Variants in SCAPER observed in about 807,000 individuals in gnomAD.
SCAPER encodes the protein S-phase cyclin A associated protein in the ER.
SCAPER carries 98 observed loss-of-function variants against 182.2 expected under a neutral mutation model. That is an observed-to-expected ratio of 0.54 (90% CI 0.46 to 0.64). SCAPER has a LOEUF of 0.64. SCAPER is among the 30% of genes least tolerant of loss of function. The probability of loss-of-function intolerance (pLI) is 0.00; values close to 1 mark genes in which losing one functional copy is unlikely to be tolerated. For missense variants in SCAPER, 1,432 were observed against 1,690.0 expected, an observed-to-expected ratio of 0.85 and a Z score of 2.68; for synonymous variants, 605 against 564.6, an observed-to-expected ratio of 1.07 and a Z score of -1.01.
At chr15:76,417,786 G>A (rs1159312444) in intron 26 of SCAPER, among the ~76,000 whole-genome samples, 1 of 152,174 alleles carries the variant, frequency 6.6e-6, no homozygotes, top group African/African-American at 2.4e-5. Context: ...TTGGGAGGCC[G>A]AGGTGGGCGG....
At chr15:76,699,745 G>A (rs1462055933) in intron 20 of SCAPER, among the ~76,000 whole-genome samples, 1 of 152,148 alleles carries the variant, frequency 6.6e-6, no homozygotes, top group East Asian at 1.9e-4. Flanking sequence ...CTTCAATGGC[G>A]GGCGCTGGCA....
intron 27 of SCAPER, among the ~76,000 whole-genome samples, chr15:76,382,611 G>C (rs1305561522): frequency 6.6e-6 from 1 of 152,062 alleles, no homozygotes; most frequent in Non-Finnish European, 1.5e-5. Flanking sequence ...AGATTTCTAA[G>C]GAATCACCTC....
chr15:76,805,116 A>G (rs550552585), intron 5 of SCAPER, among the ~76,000 whole-genome samples: 1 of 152,194 alleles, frequency 6.6e-6, no homozygotes, highest in East Asian at 1.9e-4. Context: ...TCAGTACTTC[A>G]TTTCTTTTTA....
chr15:76,840,762 A>G (rs2069394826), intron 5 of SCAPER, among the ~76,000 whole-genome samples: 1 of 152,226 alleles, frequency 6.6e-6, no homozygotes, highest in Non-Finnish European at 1.5e-5. Context: ...AGTTTTATTC[A>G]GTAAAAAGTA....
At chr15:76,730,350 C>G (rs1220269828) in intron 16 of SCAPER, among the ~76,000 whole-genome samples, 1 of 151,728 alleles carries the variant, frequency 6.6e-6, no homozygotes, top group African/African-American at 2.4e-5. Context: ...AGGGAATGCC[C>G]TTATTTGAGG....
intron 8 of SCAPER, among the ~76,000 whole-genome samples, chr15:76,794,251 A>C (rs2065181330): frequency 6.6e-6 from 1 of 152,252 alleles, no homozygotes; most frequent in Non-Finnish European, 1.5e-5. Flanking sequence ...ATTCATGAAT[A>C]ATCTGAAGTG....
intron 26 of SCAPER, among the ~76,000 whole-genome samples, chr15:76,429,737 G>T (rs2046729806): frequency 6.6e-6 from 1 of 152,074 alleles, no homozygotes; most frequent in Non-Finnish European, 1.5e-5. Context: ...TAAAAGTTTG[G>T]AAAATTTGCA....
intron 27 of SCAPER, among the ~76,000 whole-genome samples, chr15:76,389,548 T>C (rs1448047948): frequency 8.4e-6 from 1 of 118,676 alleles, no homozygotes; most frequent in Non-Finnish European, 1.6e-5. Context: ...GCGCGGTGGC[T>C]CACACCTGTA....
At chr15:76,582,140 T>A (rs903125347) in intron 22 of SCAPER, among the ~76,000 whole-genome samples, 2 of 152,094 alleles carry the variant, frequency 1.3e-5, no homozygotes, top group African/African-American at 4.8e-5. Context: ...ATGAAGGGCA[T>A]CCAAATTGAA....
rs73450238 is a variant in SCAPER at position 76,403,925 on chromosome 15, T to C, written c.3467+599A>G. Among the ~76,000 whole-genome samples, 672 of 152,114 alleles carry C rather than the reference T, an allele frequency of 4.4e-3. 7 individuals carry two copies. The highest frequency in any genetic ancestry group is 0.015 in the African/African-American group (640 of 41,504). On this transcript the variant is annotated intron_variant, in intron 27 of 31. Transcript: ENST00000563290. ...GTCCGCAGGGTGGGATGGGGTAGGATGGAGTAGGATGGGGTAGGGTAGTCT... is the reference window on the plus strand; with the variant it reads ...GTCCGCAGGGTGGGATGGGGTAGGACGGAGTAGGATGGGGTAGGGTAGTCT...
intron 26 of SCAPER, among the ~76,000 whole-genome samples, chr15:76,418,658 C>A (rs1361848483): frequency 1.3e-5 from 2 of 152,250 alleles, no homozygotes; most frequent in Non-Finnish European, 1.5e-5. Flanking sequence ...ATAACTGTAG[C>A]TGGCTGGATC....
At chr15:76,427,710 G>T (rs1168614698) in intron 26 of SCAPER, among the ~76,000 whole-genome samples, 1 of 151,866 alleles carries the variant, frequency 6.6e-6, no homozygotes, top group Non-Finnish European at 1.5e-5. Context: ...TAGCTGGTGG[G>T]TCACCTGAGG....
intron 4 of SCAPER, among the ~76,000 whole-genome samples, chr15:76,846,709 T>C (rs1165480781): frequency 6.6e-6 from 1 of 151,858 alleles, no homozygotes; most frequent in African/African-American, 2.4e-5. Context: ...TAACAAAAGA[T>C]GGAGAGGATG....
chr15:76,707,207 AAAAGGT>A (rs1177804861), intron 17 of SCAPER, among the ~76,000 whole-genome samples: 1 of 152,160 alleles, frequency 6.6e-6, no homozygotes, highest in Non-Finnish European at 1.5e-5. Context: ...TAATAAGAAC[AAAAGGT>A]AAAGGAGAAC....
intron 23 of SCAPER, among the ~76,000 whole-genome samples, chr15:76,517,078 G>C (rs1597149731): frequency 6.6e-6 from 1 of 152,044 alleles, no homozygotes; most frequent in East Asian, 1.9e-4. Flanking sequence ...TCTGATTTCT[G>C]AGTGTGTAAT....
chr15:76,820,580 G>A (rs2067457982), intron 5 of SCAPER, among the ~76,000 whole-genome samples: 3 of 140,742 alleles, frequency 2.1e-5, no homozygotes, highest in Non-Finnish European at 4.6e-5. Flanking sequence ...CACACACTGG[G>A]GACTGTTGTG....
intron 1 of SCAPER, chr15:76,904,819 G>T (rs2074973249): frequency 6.6e-6 from 1 of 152,320 alleles, no homozygotes; most frequent in Non-Finnish European, 1.5e-5. Flanking sequence ...GGAAAGCATG[G>T]TAAACCCCGC....
chr15:76,705,590 T>A (rs1208115983), intron 18 of SCAPER, among the ~76,000 whole-genome samples: 1 of 148,706 alleles, frequency 6.7e-6, no homozygotes, highest in Non-Finnish European at 1.5e-5. Flanking sequence ...TTAGGATGGT[T>A]AAAAAAAAAC....
chr15:76,733,854 G>C (rs1048720288), intron 15 of SCAPER, among the ~76,000 whole-genome samples: 4 of 151,926 alleles, frequency 2.6e-5, no homozygotes, highest in African/African-American at 9.7e-5. Flanking sequence ...AGGAATTATT[G>C]GTCTTTTCTT....
Sources: allele counts gnomAD v4.1 joint callset (sites outside exome capture counted in the v4.1 genomes callset), GRCh38; gene constraint gnomAD v4.1.1; transcripts MANE v1.5; gene names NCBI Gene and HGNC (gene_info 2026-07-23, HGNC 2026-07-21).